Variants in PLAC8L1 observed in about 807,000 individuals in gnomAD.
PLAC8L1 encodes PLAC8-like protein 1.
A neutral mutation model predicts 16.3 loss-of-function variants in PLAC8L1; 13 were observed. That is an observed-to-expected ratio of 0.80 (90% CI 0.52 to 1.27). The LOEUF (loss-of-function observed/expected upper bound fraction) is 1.27. Among genes scored for constraint, PLAC8L1 ranks in the 50% most tolerant of loss-of-function variants. The pLI is 0.00. For missense variants in PLAC8L1, 184 were observed against 220.2 expected (o/e 0.84, Z 1.04); for synonymous variants, 78 against 79.3 (o/e 0.98, Z 0.09).
intron 1 of PLAC8L1, among the ~76,000 whole-genome samples, chr5:146,100,791 A>C (rs1763802280): frequency 6.6e-6 from 1 of 152,158 alleles, no homozygotes; most frequent in East Asian, 1.9e-4. Context: ...GCATCCCCCA[A>C]AACGCATATA....
intron 2 of PLAC8L1, 73 bp from the exon 3 acceptor site, chr5:146,085,670 TACA>T: frequency 1.3e-6 from 2 of 1,504,324 alleles, no homozygotes; most frequent in Non-Finnish European, 1.8e-6. Context: ...AAAGAATATT[TACA>T]ACATTATGCC....
At chr5:146,086,853 C>A (rs917109865) in intron 2 of PLAC8L1, among the ~76,000 whole-genome samples, 1 of 152,162 alleles carries the variant, frequency 6.6e-6, no homozygotes, top group Admixed American at 6.5e-5. Flanking sequence ...TCCAAGCTAA[C>A]CATAATCTCT....
chr5:146,085,615 C>A lies in PLAC8L1; in HGVS notation c.257-18G>T, dbSNP rs1039859443. The A allele has an allele frequency of 6.3e-7, 1 of 1,592,274 alleles. No homozygotes were observed. Among genetic ancestry groups the A allele is most frequent in the Non-Finnish European group, 8.6e-7 (1 of 1,168,276 alleles). ...ACAGAAACCTGTCAATAACCACATCCAAAAAGCCAAGGTTCTCAGATTTCT... is the reference window on the plus strand; with the variant it reads ...ACAGAAACCTGTCAATAACCACATCAAAAAAGCCAAGGTTCTCAGATTTCT... On this transcript the variant is annotated intron_variant, in intron 2 of 3. Coordinates refer to ENST00000311450, the MANE Select transcript of PLAC8L1 (RefSeq NM_001029869.3).
intron 2 of PLAC8L1, among the ~76,000 whole-genome samples, chr5:146,088,260 C>A (rs566083556): frequency 1.3e-5 from 2 of 152,282 alleles, no homozygotes; most frequent in East Asian, 3.9e-4. Flanking sequence ...CCACTTCTGG[C>A]CAAGAGTTCT....
At chr5:146,103,729 G>T (rs1363391479) in intron 1 of PLAC8L1, 3 of 985,182 alleles carry the variant, frequency 3.0e-6, no homozygotes, top group Non-Finnish European at 3.6e-6. Flanking sequence ...TCCTCTTCTA[G>T]CACAAGCCCT....
At chr5:146,085,281 T>C (rs529452722) in intron 3 of PLAC8L1, among the ~76,000 whole-genome samples, 180 bp downstream of exon 3, 19 of 152,332 alleles carry the variant, frequency 1.2e-4, no homozygotes, top group African/African-American at 4.6e-4. Context: ...TTTAGTTAAC[T>C]TATATTTCCT....
intron 2 of PLAC8L1, among the ~76,000 whole-genome samples, chr5:146,095,333 G>A (rs1438242458): frequency 6.6e-6 from 1 of 152,096 alleles, no homozygotes; most frequent in Non-Finnish European, 1.5e-5. Flanking sequence ...ACTAGAATGG[G>A]CTCTCAAGTG....
chr5:146,104,140 G>A (rs2962544), intron 1 of PLAC8L1, 53 bp downstream of exon 1: 305,308 of 1,594,256 alleles, frequency 0.19, 30,675 homozygotes, highest in Middle Eastern at 0.26. Context: ...AGGTTGATTC[G>A]ATAGTCCAAC....
intron 1 of PLAC8L1, among the ~76,000 whole-genome samples, chr5:146,102,393 C>CA (rs1200837568): frequency 1.3e-5 from 2 of 152,132 alleles, no homozygotes; most frequent in Non-Finnish European, 2.9e-5. Flanking sequence ...CATTTCAGTT[C>CA]AAAATGATTG....
chr5:146,103,303 G>A (rs775787007), intron 1 of PLAC8L1, among the ~76,000 whole-genome samples: 1 of 152,134 alleles, frequency 6.6e-6, no homozygotes, highest in Non-Finnish European at 1.5e-5. Flanking sequence ...GGGATTACAG[G>A]CATGCACCAC....
At position 146,105,182 on chromosome 5, in the gene PLAC8L1, T is replaced by G. The variant is rs2150040054; in HGVS notation, c.-871A>C. 6.6e-6 allele frequency among the ~76,000 whole-genome samples: 1 copy of G among 152,322 alleles called. No homozygotes were observed. Among genetic ancestry groups the G allele is most frequent in the East Asian group, 1.9e-4 (1 of 5,188 alleles). ...TCTGCAATCATAATTTGACATTACA[T>G]TAGAAAGACATCAGGAGGATACTGC... On this transcript the variant is annotated 5_prime_UTR_variant, in exon 1 of 4. An upstream start codon of the reference 5' UTR is lost. Transcript: ENST00000311450.
At chr5:146,088,263 A>G (rs75400311) in intron 2 of PLAC8L1, among the ~76,000 whole-genome samples, 16,918 of 152,238 alleles carry the variant, frequency 0.11, 1,198 homozygotes, top group Non-Finnish European at 0.15. Flanking sequence ...CTTCTGGCCA[A>G]GAGTTCTGAT....
intron 2 of PLAC8L1, among the ~76,000 whole-genome samples, chr5:146,096,619 C>T (rs1179092382): frequency 1.3e-5 from 2 of 152,140 alleles, no homozygotes; most frequent in Admixed American, 1.3e-4. Context: ...TGAACCTGTT[C>T]TCCTAACCAC....
At chr5:146,097,047 A>C (rs1763728854) in intron 2 of PLAC8L1, among the ~76,000 whole-genome samples, 1 of 152,164 alleles carries the variant, frequency 6.6e-6, no homozygotes, top group Admixed American at 6.5e-5. Flanking sequence ...TATTTTACCC[A>C]GGGTCTGTTG....
chr5:146,092,947 T>C (rs547862206), intron 2 of PLAC8L1, among the ~76,000 whole-genome samples: 1 of 152,194 alleles, frequency 6.6e-6, no homozygotes, highest in African/African-American at 2.4e-5. Flanking sequence ...ATGTGAGATA[T>C]ATTATTAAAT....
intron 2 of PLAC8L1, among the ~76,000 whole-genome samples, chr5:146,097,402 G>C (rs1246578894): frequency 6.6e-6 from 1 of 151,946 alleles, no homozygotes; most frequent in Non-Finnish European, 1.5e-5. Context: ...ATTCTTCCAA[G>C]ACAATTGAAA....
intron 2 of PLAC8L1, among the ~76,000 whole-genome samples, chr5:146,085,919 G>C (rs1190126938): frequency 6.6e-6 from 1 of 150,406 alleles, no homozygotes; most frequent in Non-Finnish European, 1.5e-5. Context: ...CATAACTGTT[G>C]CTTTCATTAT....
chr5:146,094,248 A>T (rs1014068068), intron 2 of PLAC8L1, among the ~76,000 whole-genome samples: 4 of 151,986 alleles, frequency 2.6e-5, no homozygotes, highest in Non-Finnish European at 5.9e-5. Flanking sequence ...ATGCCCAGCT[A>T]ATTTTGTATT....
intron 2 of PLAC8L1, among the ~76,000 whole-genome samples, chr5:146,092,743 G>A (rs1447050704): frequency 6.6e-6 from 1 of 151,874 alleles, no homozygotes; most frequent in Non-Finnish European, 1.5e-5. Context: ...TCACCATGTT[G>A]GCCAGGCTGG....
Sources: gnomAD v4.1 joint callset for allele counts (sites outside exome capture counted in the v4.1 genomes callset) on GRCh38, gnomAD v4.1.1 for gene constraint, MANE v1.5 for transcripts, NCBI Gene and HGNC (gene_info 2026-07-23, HGNC 2026-07-21) for gene names.